CCPG1: variants seen among roughly 807,000 people sequenced by gnomAD.
The protein encoded by CCPG1 is cell cycle progression 1, also known as cell cycle progression protein 1.
A neutral mutation model predicts 81.3 loss-of-function variants in CCPG1; 46 were observed. The ratio of observed to expected loss-of-function variants is 0.57; its 90% CI spans 0.45 to 0.72. The LOEUF is 0.72. Among genes scored for constraint, CCPG1 ranks in the 30% least tolerant of loss-of-function variants. CCPG1 has a pLI of 0.00. For missense variants in CCPG1, 902 were observed against 937.6 expected (o/e 0.96, Z 0.50); for synonymous variants, 330 against 305.2 (o/e 1.08, Z -0.85).
intron 5 of CCPG1, chr15:55,374,286 G>A: frequency 9.1e-7 from 1 of 1,100,490 alleles, no homozygotes; most frequent in Non-Finnish European, 1.2e-6. Flanking sequence ...GAGGCATAAA[G>A]CTATATTATA....
At chr15:55,385,767 A>T (rs2056786704) in intron 2 of CCPG1, 53 bp from the exon 3 acceptor site, 1 of 894,916 alleles carries the variant, frequency 1.1e-6, no homozygotes, top group Admixed American at 1.9e-5. Flanking sequence ...CCTCAAAGCT[A>T]GATTTGACTA....
At chr15:55,364,421 T>C (rs2056277769) in intron 7 of CCPG1, among the ~76,000 whole-genome samples, 1 of 150,738 alleles carries the variant, frequency 6.6e-6, no homozygotes, top group Admixed American at 6.6e-5. Flanking sequence ...AATGTTTGCT[T>C]CGCTCTGTGA....
chr15:55,372,957 A>G (rs778157225), intron 5 of CCPG1: 1 of 534,480 alleles, frequency 1.9e-6, no homozygotes, highest in African/African-American at 1.9e-5. Context: ...CTTCCCTTCG[A>G]CTGCCACTCT....
intron 8 of CCPG1, chr15:55,358,547 CCTT>C: frequency 2.0e-6 from 2 of 985,438 alleles, no homozygotes; most frequent in Non-Finnish European, 2.4e-6. Flanking sequence ...AAATGACCTT[CCTT>C]TTAAGTGAAA....
Position 55,359,862 on chromosome 15 carries a change from T to G in CCPG1, c.1911A>C (p.Gln637His). The G allele has an allele frequency of 1.2e-6, 2 of 1,613,792 alleles. No homozygotes were observed. The highest frequency in any genetic ancestry group is 2.2e-5 in the South Asian group (2 of 91,070). Residue 637 changes from glutamine (Q) to histidine (H), a missense_variant, in exon 8 of 9, where the codon CAA becomes CAC. By Grantham distance (24) the Gln-to-His change is conservative. Coordinates refer to ENST00000442196, the MANE Select transcript of CCPG1 (RefSeq NM_001204450.2). ...TGTTAAAAAGGCTCATGGACTCTTG[T>G]TGAGCACAATCAAATACACCAGAAC... is the stretch of plus-strand genomic sequence containing the variant. ...KACSGVFDCA[Q>H]QESMSLFNTV...
chr15:55,374,167 G>A, intron 5 of CCPG1: 3 of 1,288,870 alleles, frequency 2.3e-6, no homozygotes, highest in South Asian at 1.2e-5. Flanking sequence ...TGGAAAGCGA[G>A]TTGGCTAGGA....
intron 1 of CCPG1, among the ~76,000 whole-genome samples, chr15:55,395,341 A>G (rs1240206439): frequency 2.0e-5 from 3 of 152,182 alleles, no homozygotes; most frequent in Non-Finnish European, 4.4e-5. Context: ...GACACAGTGA[A>G]TATGAAAGCC....
chr15:55,368,756 C>G (rs540805976), intron 6 of CCPG1, among the ~76,000 whole-genome samples: 1 of 152,334 alleles, frequency 6.6e-6, no homozygotes, highest in Admixed American at 6.5e-5. Flanking sequence ...CAATTCAAAT[C>G]TGTATGGCAC....
At chr15:55,384,907 CTCT>C (rs1190532728) in intron 3 of CCPG1, among the ~76,000 whole-genome samples, 4 of 152,128 alleles carry the variant, frequency 2.6e-5, no homozygotes, top group Admixed American at 1.3e-4. Context: ...GTTAGTAAAT[CTCT>C]TGTGATCAAT....
In CCPG1 at chr15:55,359,784, G is replaced by A; in HGVS notation, c.1989C>T (p.Tyr663=). The A allele has an allele frequency of 6.2e-7, 1 of 1,613,172 alleles. No individual in the cohort carries two copies. The highest frequency in any genetic ancestry group is 8.5e-7 in the Non-Finnish European group (1 of 1,179,852). ...AAAAAGTATCCAGTTCTTTTAACAT[G>A]TACCTTTGAATTATCTGTCTAAATT... ...MDEFRQIIQR[Y]MLKELDTFCH... Residue 663 remains tyrosine (Y), a synonymous_variant, in exon 8 of 9, where the codon TAC becomes TAT. Coordinates refer to ENST00000442196, the MANE Select transcript of CCPG1 (RefSeq NM_001204450.2).
At chr15:55,388,644 AG>A (rs2056851792) in intron 2 of CCPG1, among the ~76,000 whole-genome samples, 1 of 152,210 alleles carries the variant, frequency 6.6e-6, no homozygotes, top group South Asian at 2.1e-4. Context: ...ATATGCCTAT[AG>A]TCCCAGCTAC....
chr15:55,407,043 C>G (rs991932322), intron 1 of CCPG1, among the ~76,000 whole-genome samples: 9 of 135,294 alleles, frequency 6.7e-5, no homozygotes, highest in African/African-American at 2.3e-4. Flanking sequence ...TGAGACCCCC[C>G]CCCCCGCCCC....
chr15:55,393,327 C>G (rs990657877), intron 1 of CCPG1, among the ~76,000 whole-genome samples: 1 of 152,024 alleles, frequency 6.6e-6, no homozygotes, highest in African/African-American at 2.4e-5. Flanking sequence ...GTTGTCCTAG[C>G]TACTTGGGAA....
chr15:55,372,525 GTAGTGCACCTA>G (rs1307220244), intron 5 of CCPG1: 1 of 199,770 alleles, frequency 5.0e-6, no homozygotes, highest in African/African-American at 2.4e-5. Flanking sequence ...GCCGGGCATG[GTAGTGCACCTA>G]TAGTCCCAGC....
intron 8 of CCPG1, chr15:55,357,345 T>C: frequency 1.0e-6 from 1 of 985,370 alleles, no homozygotes; most frequent in Non-Finnish European, 1.2e-6. Context: ...TTTCCTCTCC[T>C]ACTAGTATAG....
At chr15:55,383,571 T>C (rs559622948) in intron 3 of CCPG1, among the ~76,000 whole-genome samples, 1 of 152,336 alleles carries the variant, frequency 6.6e-6, no homozygotes, top group Non-Finnish European at 1.5e-5. Context: ...GAAAGTTGTG[T>C]CATCTATACT....
chr15:55,387,577 T>C (rs1016202165), intron 2 of CCPG1, among the ~76,000 whole-genome samples: 1 of 151,746 alleles, frequency 6.6e-6, no homozygotes, highest in African/African-American at 2.4e-5. Flanking sequence ...ACAGTTTCAC[T>C]CTTGTTGCCC....
chr15:55,393,908 G>A (rs1233923630), intron 1 of CCPG1, among the ~76,000 whole-genome samples: 3 of 152,144 alleles, frequency 2.0e-5, no homozygotes, highest in Admixed American at 6.5e-5. Context: ...ATTCTATAAC[G>A]GTGCCCTTGA....
chr15:55,389,607 A>C (rs2056874978), intron 1 of CCPG1, among the ~76,000 whole-genome samples, 174 bp from the exon 2 acceptor site: 1 of 152,230 alleles, frequency 6.6e-6, no homozygotes, highest in Admixed American at 6.5e-5. Flanking sequence ...CTGTATGAAC[A>C]GATAGAAGCA....
Sources: gnomAD v4.1 joint callset for allele counts (sites outside exome capture counted in the v4.1 genomes callset) on GRCh38, gnomAD v4.1.1 for gene constraint, MANE v1.5 for transcripts, NCBI Gene and HGNC (gene_info 2026-07-23, HGNC 2026-07-21) for gene names.